The following PHF11 variants were observed in gnomAD, a reference collection of about 807,000 sequenced individuals.
PHF11 encodes BRCA1 C-terminus-associated protein.
Under a neutral mutation model 40.5 loss-of-function variants are expected in PHF11, and 38 were observed. That is an observed-to-expected ratio of 0.94 (90% confidence interval 0.72 to 1.23). The LOEUF (loss-of-function observed/expected upper bound fraction) is 1.23, where lower values mean the gene tolerates loss of function less well. Among genes scored for constraint, PHF11 ranks in the 50% most tolerant of loss-of-function variants. The pLI is 0.00. For synonymous variants in PHF11, 127 were observed against 138.2 expected, an observed-to-expected ratio of 0.92 and a Z score of 0.57; for missense variants, 369 against 392.4, an observed-to-expected ratio of 0.94 and a Z score of 0.50.
At chr13:49,505,068 C>T (rs1314735153) in intron 1 of PHF11, among the ~76,000 whole-genome samples, 2 of 134,898 alleles carry the variant, frequency 1.5e-5, no homozygotes, top group Admixed American at 8.1e-5. Context: ...CCCAGGGACA[C>T]AAACACTGTG....
chr13:49,517,093 A>G (rs973595125), intron 3 of PHF11, among the ~76,000 whole-genome samples: 4 of 152,052 alleles, frequency 2.6e-5, no homozygotes, highest in African/African-American at 9.7e-5. Flanking sequence ...TTTTTTTCCT[A>G]TATACATAGC....
chr13:49,520,310 A>G (rs1357344552), intron 4 of PHF11, among the ~76,000 whole-genome samples: 2 of 152,168 alleles, frequency 1.3e-5, no homozygotes, highest in African/African-American at 4.8e-5. Flanking sequence ...GCCTCCCAAA[A>G]TGCTGGGATT....
intron 1 of PHF11, among the ~76,000 whole-genome samples, chr13:49,504,449 C>T (rs1412776306): frequency 6.6e-6 from 1 of 151,572 alleles, no homozygotes; most frequent in Non-Finnish European, 1.5e-5. Context: ...GAGCGAGACT[C>T]TGTCTAAAAA....
intron 2 of PHF11, among the ~76,000 whole-genome samples, chr13:49,509,361 T>C (rs567943239): frequency 6.6e-6 from 1 of 151,988 alleles, no homozygotes. Flanking sequence ...TACAGGCACA[T>C]GCCACCACGC....
intron 7 of PHF11, chr13:49,523,682 A>G (rs921735424): frequency 1.8e-5 from 4 of 228,502 alleles, no homozygotes; most frequent in African/African-American, 9.4e-5. Context: ...TCAACTACAT[A>G]TCGGGTACAG....
chr13:49,512,270 A>G (rs1959090861), intron 2 of PHF11, among the ~76,000 whole-genome samples: 1 of 152,194 alleles, frequency 6.6e-6, no homozygotes, highest in Non-Finnish European at 1.5e-5. Flanking sequence ...TAAAATCTGG[A>G]TACAAGTCTT....
chr13:49,528,020 C>T (rs1410653574), intron 9 of PHF11, among the ~76,000 whole-genome samples: 1 of 152,176 alleles, frequency 6.6e-6, no homozygotes, highest in African/African-American at 2.4e-5. Flanking sequence ...AAGTATCTTC[C>T]TCCTAAGCTT....
intron 1 of PHF11, among the ~76,000 whole-genome samples, chr13:49,505,235 T>C (rs2139038655): frequency 6.6e-6 from 1 of 151,928 alleles, no homozygotes; most frequent in East Asian, 1.9e-4. Context: ...CAGTTTTCAC[T>C]CTATCTTACC....
At chr13:49,516,603 T>A (rs1959158386) in intron 3 of PHF11, among the ~76,000 whole-genome samples, 1 of 151,682 alleles carries the variant, frequency 6.6e-6, no homozygotes, top group Admixed American at 6.6e-5. Flanking sequence ...TGTCAGTTTT[T>A]GTTTTTGAAA....
Position 49,528,561 on chromosome 13 carries a change from G to T in PHF11, c.892G>T (p.Glu298Ter), listed in dbSNP as rs1380911586. The T allele has an allele frequency of 1.2e-6, 2 of 1,611,428 alleles. No individual in the cohort carries two copies. The highest frequency in any genetic ancestry group is 1.3e-5 in the African/African-American group (1 of 74,874). ...ASQQRWQQLK[E>*]EIELLQDLKQ... ...TCAACAAAGGTGGCAGCAGTTGAAGGAAGAGATTGAGCTACTTCAGGACTT... is the reference window on the plus strand; with the variant it reads ...TCAACAAAGGTGGCAGCAGTTGAAGTAAGAGATTGAGCTACTTCAGGACTT... Residue 298 changes from glutamate (E) to a stop codon, truncating the protein, a stop_gained, in exon 10 of 10, where the codon GAA becomes TAA. Coordinates refer to ENST00000378319, the MANE Select transcript of PHF11 (RefSeq NM_001040443.3). LOFTEE classifies it low-confidence loss of function (END_TRUNC).
At chr13:49,504,492 CCGCCCCG>C (rs1958952163) in intron 1 of PHF11, among the ~76,000 whole-genome samples, 1 of 63,794 alleles carries the variant, frequency 1.6e-5, no homozygotes, top group African/African-American at 3.9e-5. Context: ...GCCCGGCCAG[CCGCCCCG>C]TCCGGGAGGT....
At chr13:49,504,526 T>C (rs9591268) in intron 1 of PHF11, among the ~76,000 whole-genome samples, 32,921 of 69,342 alleles carry the variant, frequency 0.47, 6,974 homozygotes, top group African/African-American at 0.66. Context: ...CGCCTCTGCC[T>C]GGCCGCCCCT....
At chr13:49,521,050 A>C (rs1959185415) in intron 5 of PHF11, 110 bp downstream of exon 5, 2 of 1,410,496 alleles carry the variant, frequency 1.4e-6, no homozygotes, top group Admixed American at 2.8e-5. Flanking sequence ...CAAATGTTTG[A>C]GTTAAAATTT....
chr13:49,505,024 G>C (rs953842599), intron 1 of PHF11, among the ~76,000 whole-genome samples: 2 of 150,522 alleles, frequency 1.3e-5, no homozygotes, highest in Admixed American at 6.7e-5. Flanking sequence ...CAGCATGCTC[G>C]TTAAGAGTCA....
In PHF11 at chr13:49,518,132, G is replaced by GGCT; in HGVS notation, c.440_441insCTG (p.Gly147_Val148insTer). On this transcript the variant is annotated stop_gained and inframe_insertion, in exon 4 of 10. Coordinates refer to ENST00000378319, the MANE Select transcript of PHF11 (RefSeq NM_001040443.3). LOFTEE classifies it high-confidence loss of function. Reference sequence around the variant, plus strand: ...GGACGACGCAGTTCCACAGTCTGATGGAGTTCGAGGAATTTATAAGTATTT... The same window carrying GGCT: ...GGACGACGCAGTTCCACAGTCTGATGGCTGAGTTCGAGGAATTTATAAGTATTT... The GGCT allele has an allele frequency of 6.2e-7, 1 of 1,601,320 alleles. No homozygotes were observed. Among genetic ancestry groups the GGCT allele is most frequent in the Non-Finnish European group, 8.5e-7 (1 of 1,172,718 alleles).
Position 49,506,634 on chromosome 13 carries a change from G to T in PHF11, c.95-1G>T. ...TTTCTCACCAGGGATATTACTTATA[G>T]GTGTCTTTCAGGTTGCAGAAAAGAT... On this transcript the variant is annotated splice_acceptor_variant, in intron 1 of 9. Transcript: ENST00000378319. LOFTEE classifies it high-confidence loss of function. The T allele has an allele frequency of 1.2e-6, 2 of 1,613,284 alleles. No homozygotes were observed. The highest frequency in any genetic ancestry group is 2.2e-5 in the South Asian group (2 of 91,060).
intron 6 of PHF11, among the ~76,000 whole-genome samples, chr13:49,522,791 GTC>G (rs1424030901): frequency 7.9e-6 from 1 of 127,138 alleles, no homozygotes. Context: ...TTGAGACAGA[GTC>G]TCTCTCTGTC....
chr13:49,496,350 C>A, intron 1 of PHF11: 1 of 1,109,360 alleles, frequency 9.0e-7, no homozygotes, highest in Non-Finnish European at 1.1e-6. Context: ...TGGTTTCGCG[C>A]GAGTGGTGGG....
chr13:49,506,586 G>A, intron 1 of PHF11, 49 bp from the exon 2 acceptor site: 1 of 1,594,356 alleles, frequency 6.3e-7, no homozygotes, highest in Non-Finnish European at 8.6e-7. Flanking sequence ...GAGTTAGTGA[G>A]ACCAAGAAAT....
Sources: gnomAD v4.1 joint callset for allele counts (sites outside exome capture counted in the v4.1 genomes callset) on GRCh38, gnomAD v4.1.1 for gene constraint, MANE v1.5 for transcripts, NCBI Gene and HGNC (gene_info 2026-07-23, HGNC 2026-07-21) for gene names.